ARHGEF4: variants seen among roughly 807,000 people sequenced by gnomAD.
ARHGEF4 encodes APC-stimulated guanine nucleotide exchange factor 1.
ARHGEF4 carries 119 observed loss-of-function variants against 162.0 expected under a neutral mutation model. The observed-to-expected ratio is 0.73, with a 90% CI of 0.63 to 0.86. The LOEUF is 0.86. Among genes scored for constraint, ARHGEF4 ranks in the 40% least tolerant of loss-of-function variants. The probability of loss-of-function intolerance (pLI) is 0.00; values close to 1 mark genes in which losing one functional copy is unlikely to be tolerated. For synonymous variants in ARHGEF4, 1,014 were observed against 979.9 expected (o/e 1.03, Z -0.65); for missense variants, 2,488 against 2,456.0 (o/e 1.01, Z -0.28).
At chr2:130,995,873 A>G (rs1364869788) in intron 4 of ARHGEF4, among the ~76,000 whole-genome samples, 3 of 151,426 alleles carry the variant, frequency 2.0e-5, no homozygotes, top group Admixed American at 6.6e-5. Flanking sequence ...TGAAGTTATT[A>G]AAAGTATTAT....
intron 3 of ARHGEF4, among the ~76,000 whole-genome samples, chr2:130,944,784 T>G (rs1368820300): frequency 6.6e-6 from 1 of 152,238 alleles, no homozygotes; most frequent in Non-Finnish European, 1.5e-5. Context: ...TAAAAGTTAT[T>G]GAGATCTCAT....
At chr2:131,031,360 G>C (rs901494483) in intron 5 of ARHGEF4, among the ~76,000 whole-genome samples, 8 of 152,236 alleles carry the variant, frequency 5.3e-5, no homozygotes, top group African/African-American at 1.9e-4. Context: ...GGTACATGAG[G>C]AGTGATTTTT....
At chr2:130,876,314 T>G (rs1241215317) in intron 1 of ARHGEF4, among the ~76,000 whole-genome samples, 1 of 152,172 alleles carries the variant, frequency 6.6e-6, no homozygotes, top group Non-Finnish European at 1.5e-5. Context: ...AGGACTCAGG[T>G]CCTAGCTTAT....
chr2:130,916,889 A>G lies in ARHGEF4; in HGVS notation c.2943A>G (p.Pro981=). The G allele has an allele frequency of 6.4e-7, 1 of 1,550,492 alleles. No homozygotes were observed. The highest frequency in any genetic ancestry group is 8.7e-7 in the Non-Finnish European group (1 of 1,146,992). The change falls in exon 2 of 14, where the codon CCA becomes CCG. Residue 981 remains proline (P), a synonymous_variant. Coordinates refer to ENST00000409359, the MANE Select transcript of ARHGEF4 (RefSeq NM_001367493.1). ...CTCTAGGACCCGAAGTTCTCTCCCC[A>G]GCAGAGACCGACAGCCACTGTGAGG... ...SLPLGPEVLS[P]AETDSHCEER...
intron 4 of ARHGEF4, among the ~76,000 whole-genome samples, chr2:131,012,309 G>C (rs1053024546): frequency 2.0e-5 from 3 of 152,084 alleles, no homozygotes; most frequent in Non-Finnish European, 4.4e-5. Context: ...TCAGCAGAGG[G>C]GCCTAGGAGG....
intron 5 of ARHGEF4, among the ~76,000 whole-genome samples, chr2:131,029,763 A>G (rs1689715280): frequency 6.6e-6 from 1 of 152,140 alleles, no homozygotes; most frequent in South Asian, 2.1e-4. Context: ...CATGTTCGCC[A>G]GGCTAGTCTC....
intron 1 of ARHGEF4, among the ~76,000 whole-genome samples, chr2:130,852,237 G>A (rs1010149169): frequency 4.6e-5 from 7 of 152,190 alleles, no homozygotes; most frequent in Non-Finnish European, 5.9e-5. Flanking sequence ...GGCCCACAGC[G>A]ACAGCGTCAC....
intron 3 of ARHGEF4, among the ~76,000 whole-genome samples, chr2:130,932,358 GCCACCATGCCCA>G: frequency 6.6e-6 from 1 of 152,136 alleles, no homozygotes; most frequent in Non-Finnish European, 1.5e-5. Flanking sequence ...ACAGGTGCCT[GCCACCATGCCCA>G]CCTAATTTTT....
chr2:130,934,252 C>A (rs1682807972), intron 3 of ARHGEF4, among the ~76,000 whole-genome samples: 1 of 152,096 alleles, frequency 6.6e-6, no homozygotes, highest in Non-Finnish European at 1.5e-5. Context: ...TATTCATCTG[C>A]AGTTTTCTTT....
intron 4 of ARHGEF4, among the ~76,000 whole-genome samples, chr2:131,021,239 G>T (rs994174849): frequency 1.3e-5 from 2 of 152,086 alleles, no homozygotes; most frequent in Non-Finnish European, 2.9e-5. Flanking sequence ...ATACTACAAG[G>T]CTACAGTAAC....
chr2:131,005,983 A>G (rs1279537732), intron 4 of ARHGEF4, among the ~76,000 whole-genome samples: 1 of 152,186 alleles, frequency 6.6e-6, no homozygotes, highest in Admixed American at 6.5e-5. Context: ...GTCCAGCATA[A>G]TCATATGAGC....
rs938847695 is a variant in ARHGEF4, at chr2:130,916,023, G to A, written c.2077G>A (p.Ala693Thr). The A allele has an allele frequency of 6.4e-7, 1 of 1,550,452 alleles. No homozygotes were observed. The highest frequency in any genetic ancestry group is 2.4e-5 in the East Asian group (1 of 40,920). Reference sequence around the variant, plus strand: ...AGCCGGTAATGAGTGTGAGTTGCCAGCAGCCCCCATACAGGGAGCTGGCGA... The same window carrying A: ...AGCCGGTAATGAGTGTGAGTTGCCAACAGCCCCCATACAGGGAGCTGGCGA... ...TPAGNECELP[A>T]APIQGAGDGA... The change falls in exon 2 of 14, where the codon GCA becomes ACA. Residue 693 changes from alanine to threonine, a missense_variant. Around this residue, in one of 6 missense-constraint regions of ARHGEF4, gnomAD observed 1,642 missense variants for 1,481.5 expected, o/e 1.11. Transcript: ENST00000409359.
At chr2:131,035,851 T>TGGG (rs1431601915) in intron 5 of ARHGEF4, 2 of 985,000 alleles carry the variant, frequency 2.0e-6, no homozygotes, top group Non-Finnish European at 1.2e-6. Flanking sequence ...GTGGGCAGGG[T>TGGG]GGGGAGGGCA....
At chr2:131,045,915 C>CAA (rs1691214395) in intron 13 of ARHGEF4, 123 bp from the exon 14 acceptor site, 1 of 1,496,104 alleles carries the variant, frequency 6.7e-7, no homozygotes, top group Non-Finnish European at 8.9e-7. Flanking sequence ...TCCTGTGTGG[C>CAA]AAAACTGCCT....
chr2:130,993,697 C>T (rs1687198862), intron 4 of ARHGEF4, among the ~76,000 whole-genome samples: 2 of 152,076 alleles, frequency 1.3e-5, no homozygotes, highest in Admixed American at 1.3e-4. Flanking sequence ...GTCTTAAAGT[C>T]TACTTTGACA....
In ARHGEF4 at chr2:130,886,497, G is replaced by T. The variant is rs556195849; in HGVS notation, c.40-27489G>T. 5.8e-4 allele frequency among the ~76,000 whole-genome samples: 88 copies of T among 151,840 alleles called. 3 individuals carry two copies. Among genetic ancestry groups the T allele is most frequent in the African/African-American group, 2.1e-3 (86 of 41,270 alleles). ...GATCGAGACTATCCTGGCTAACATG[G>T]TGAAACCCCTTCTCTACTAAAAATA... On this transcript the variant is annotated intron_variant, in intron 1 of 13. Coordinates refer to ENST00000409359, the MANE Select transcript of ARHGEF4 (RefSeq NM_001367493.1).
In ARHGEF4 at chr2:130,876,452, C is replaced by T. The variant is rs192195110; in HGVS notation, c.40-37534C>T. Among the ~76,000 whole-genome samples the T allele has an allele frequency of 1.1e-4, 16 of 152,234 alleles. No individual in the cohort carries two copies. The East Asian group carries it at 2.7e-3, about 26-fold the overall frequency. On this transcript the variant is annotated intron_variant, in intron 1 of 13. Transcript: ENST00000409359. ...TGTCACCCAGGCTGGAGTGCAGTGG[C>T]GCGATCTCGGCTCACTGCAAGCTCC...
At chr2:130,955,961 C>T (rs1416750882) in intron 4 of ARHGEF4, among the ~76,000 whole-genome samples, 2 of 152,172 alleles carry the variant, frequency 1.3e-5, no homozygotes, top group African/African-American at 4.8e-5. Context: ...AGGAAGAGAT[C>T]AGGAGCTATC....
intron 4 of ARHGEF4, among the ~76,000 whole-genome samples, chr2:130,950,171 G>A (rs114206595): frequency 1.3e-5 from 2 of 152,342 alleles, no homozygotes; most frequent in African/African-American, 4.8e-5. Context: ...CTAGAGGCTT[G>A]TGGGGAGCTG....
Sources: allele counts gnomAD v4.1 joint callset (sites outside exome capture counted in the v4.1 genomes callset), GRCh38; gene constraint gnomAD v4.1.1; regional missense constraint gnomAD v4.1.1; transcripts MANE v1.5; gene names NCBI Gene and HGNC (gene_info 2026-07-23, HGNC 2026-07-21).